The following MGST1 variants were observed in gnomAD, a reference collection of about 807,000 sequenced individuals.
The protein encoded by MGST1 is microsomal glutathione S-transferase 1.
MGST1 carries 5 observed loss-of-function variants against 8.9 expected under a neutral mutation model. The ratio of observed to expected loss-of-function variants is 0.56; its 90% CI spans 0.29 to 1.19. The LOEUF is 1.19. Ranked by LOEUF, MGST1 falls within the 50% of genes most tolerant of loss-of-function variation. The probability of loss-of-function intolerance (pLI) is 0.08; values close to 1 mark genes in which losing one functional copy is unlikely to be tolerated. For synonymous variants in MGST1, 54 were observed against 67.8 expected (o/e 0.80, Z 1.00); for missense variants, 182 against 187.4 (o/e 0.97, Z 0.17).
intron 1 of MGST1, among the ~76,000 whole-genome samples, chr12:16,417,309 AACTC>A (rs1300672189): frequency 6.6e-6 from 1 of 152,116 alleles, no homozygotes; most frequent in African/African-American, 2.4e-5. Context: ...ATCTTGTGAG[AACTC>A]ACTCATTATC....
At chr12:16,426,756 C>A (rs1351924581) in intron 1 of MGST1, among the ~76,000 whole-genome samples, 1 of 152,030 alleles carries the variant, frequency 6.6e-6, no homozygotes, top group Non-Finnish European at 1.5e-5. Flanking sequence ...TTGAGACCAT[C>A]CTGGCTAACA....
chr12:16,570,421 G>A (rs188195952), intron 4 of MGST1, among the ~76,000 whole-genome samples: 3 of 151,508 alleles, frequency 2.0e-5, no homozygotes, highest in Admixed American at 6.6e-5. Flanking sequence ...TACTCATCTC[G>A]TAATTAAGGC....
intron 4 of MGST1, among the ~76,000 whole-genome samples, chr12:16,545,565 G>A (rs925098781): frequency 6.6e-6 from 1 of 152,014 alleles, no homozygotes; most frequent in African/African-American, 2.4e-5. Context: ...TTCTGAGACT[G>A]TAGCCTCACA....
At chr12:16,421,721 T>C (rs1262262549) in intron 1 of MGST1, among the ~76,000 whole-genome samples, 1 of 152,160 alleles carries the variant, frequency 6.6e-6, no homozygotes, top group Non-Finnish European at 1.5e-5. Context: ...AAAGTGGGTC[T>C]CTTGATCTGG....
At position 16,552,376 on chromosome 12, in the gene MGST1, G is replaced by C. The variant is rs959851451; in HGVS notation, n.483-37152G>C. Among the ~76,000 whole-genome samples, 4 of 152,154 alleles carry C rather than the reference G, an allele frequency of 2.6e-5. No individual in the cohort carries two copies. In the South Asian group the frequency reaches 8.3e-4, roughly 32 times the overall value. ...TATCAGATAGTCAATTTCAAATGAT[G>C]TTCCAGCAGAAATCTTAGTGGATAG... On this transcript the variant is annotated intron_variant and non_coding_transcript_variant, in intron 4 of 4. Transcript: ENST00000538857.
Position 16,548,338 on chromosome 12 carries a change from T to C in MGST1, n.483-41190T>C, listed in dbSNP as rs982851562. On this transcript the variant is annotated intron_variant and non_coding_transcript_variant, in intron 4 of 4. Coordinates refer to the MGST1 transcript ENST00000538857. The surrounding 1 kb of genome is among the most constrained non-coding windows in gnomAD (Gnocchi z 4.2). ...GGACTTAACATATGCTTTCTAGAGA[T>C]CATCTTAAATTTTGCCAATTAAGTG... 1 of 152,080 alleles carries C rather than the reference T, an allele frequency of 6.6e-6. No individual in the cohort carries two copies. The highest frequency in any genetic ancestry group is 2.4e-5 in the African/African-American group (1 of 41,418). 9.4% of individuals were successfully genotyped at this position (152,080 alleles called of 1,614,324 possible). A position where few individuals can be genotyped will look rare whatever the true frequency, so the allele number is the denominator to read the frequency against.
At chr12:16,563,845 T>C (rs547134212) in intron 4 of MGST1, among the ~76,000 whole-genome samples, 1 of 152,294 alleles carries the variant, frequency 6.6e-6, no homozygotes, top group South Asian at 2.1e-4. Context: ...AGGAAAAAAA[T>C]AAGCTCATTG....
chr12:16,430,865 T>C (rs1405237066), intron 1 of MGST1, among the ~76,000 whole-genome samples: 1 of 152,176 alleles, frequency 6.6e-6, no homozygotes, highest in Non-Finnish European at 1.5e-5. Context: ...AAGCCAGGCA[T>C]TGGCTTCTCC....
chr12:16,370,503 G>T (rs1436299780), intron 3 of MGST1: 1 of 152,060 alleles, frequency 6.6e-6, no homozygotes, highest in Non-Finnish European at 1.5e-5. Context: ...TGAAATAATT[G>T]TATATTATCT....
At position 16,399,849 on chromosome 12, in the gene MGST1, A is replaced by G. The variant is rs114775747; in HGVS notation, n.778+16245A>G. ...GTCACTTTCTTGCTGTAGTCCTTGT[A>G]GACAATTACCATATCAAAGTTCTTC... On this transcript the variant is annotated intron_variant and non_coding_transcript_variant, in intron 1 of 1. Coordinates refer to the MGST1 transcript ENST00000359720. The G allele has an allele frequency of 3.6e-3, 4,448 of 1,226,558 alleles. 131 individuals carry two copies. In the African/African-American group the frequency reaches 0.058, roughly 16 times the overall value. 76.0% of individuals were successfully genotyped at this position (1,226,558 alleles called of 1,614,324 possible).
At chr12:16,394,872 C>T (rs1006642168) in intron 1 of MGST1, among the ~76,000 whole-genome samples, 1 of 152,096 alleles carries the variant, frequency 6.6e-6, no homozygotes, top group Admixed American at 6.6e-5. Context: ...GCTGGGATTA[C>T]AGGTGTGAAC....
chr12:16,513,986 C>A lies in MGST1; in HGVS notation n.483-75542C>A. On this transcript the variant is annotated intron_variant and non_coding_transcript_variant, in intron 4 of 4. Transcript: ENST00000538857. The surrounding 1 kb of genome is among the most constrained non-coding windows in gnomAD (Gnocchi z 4.2). ...ACTGTGGAGGACATTTCAAAAACAC[C>A]AGAGCAAAGTCTTCTTCTTCTGCAT... 2.2e-6 allele frequency: 1 copy of A among 458,708 alleles called. No homozygotes were observed. The highest frequency in any genetic ancestry group is 4.3e-6 in the Non-Finnish European group (1 of 234,328). The allele number at this position is 458,708 out of a possible 1,614,324, so 28.4% of individuals were successfully genotyped here. A position where few individuals can be genotyped will look rare whatever the true frequency, so the allele number is the denominator to read the frequency against.
intron 4 of MGST1, among the ~76,000 whole-genome samples, chr12:16,553,881 A>G (rs1482094901): frequency 6.6e-6 from 1 of 151,760 alleles, no homozygotes. Flanking sequence ...AAAAAAAAAA[A>G]GCATTATGAA....
At chr12:16,580,174 C>G (rs987464991) in intron 4 of MGST1, among the ~76,000 whole-genome samples, 2 of 152,226 alleles carry the variant, frequency 1.3e-5, no homozygotes. Context: ...CTATGTTGCC[C>G]AGGCTGGCCT....
Position 16,400,107 on chromosome 12 carries a change from G to T in MGST1, n.778+16503G>T, listed in dbSNP as rs953337152. The T allele has an allele frequency of 4.5e-6, 7 of 1,563,568 alleles. No individual in the cohort carries two copies. In the African/African-American group the frequency reaches 9.5e-5, roughly 21 times the overall value. On this transcript the variant is annotated intron_variant and non_coding_transcript_variant, in intron 1 of 1. Coordinates refer to the MGST1 transcript ENST00000359720. ...AATTCTAAAAGGCTGTTTTCAGTTT[G>T]TGCCTCATTTCTCGTTCCATCTGCT... is the stretch of plus-strand genomic sequence containing the variant.
Position 16,513,733 on chromosome 12 carries a change from A to G in MGST1, n.483-75795A>G, listed in dbSNP as rs1352092948. The G allele has an allele frequency of 5.3e-6, 3 of 569,766 alleles. No individual in the cohort carries two copies. Among genetic ancestry groups the G allele is most frequent in the Non-Finnish European group, 1.1e-5 (3 of 284,574 alleles). 35.3% of individuals were successfully genotyped at this position (569,766 alleles called of 1,614,324 possible). On this transcript the variant is annotated intron_variant and non_coding_transcript_variant, in intron 4 of 4. Coordinates refer to the MGST1 transcript ENST00000538857. This position sits in a 1 kb window ranked among gnomAD's most constrained non-coding sequence, Gnocchi z 4.2. ...TGCAGAAGTAGCCTTGGGCGAGAAT[A>G]GCGAAGTCTCGAAAAGTGGCCGGTT...
At chr12:16,372,716 A>G (rs770050571) in intron 3 of MGST1, among the ~76,000 whole-genome samples, 34 of 151,836 alleles carry the variant, frequency 2.2e-4, no homozygotes, top group Non-Finnish European at 4.6e-4. Flanking sequence ...TATTAAAGAG[A>G]TATCTGTACT....
At chr12:16,386,018 T>G (rs1304846538) in intron 1 of MGST1, among the ~76,000 whole-genome samples, 1 of 152,178 alleles carries the variant, frequency 6.6e-6, no homozygotes, top group Non-Finnish European at 1.5e-5. Context: ...ATTTGGTCTT[T>G]CAGTGGCTCG....
chr12:16,512,503 A>C (rs2137180513), intron 4 of MGST1, among the ~76,000 whole-genome samples: 1 of 152,372 alleles, frequency 6.6e-6, no homozygotes, highest in Non-Finnish European at 1.5e-5. Flanking sequence ...TTACCAATAA[A>C]ACAATGTAAA....
Sources: allele counts gnomAD v4.1 joint callset (sites outside exome capture counted in the v4.1 genomes callset), GRCh38; gene constraint gnomAD v4.1.1; non-coding constraint Gnocchi (gnomAD v3.1); transcripts MANE v1.5; gene names NCBI Gene and HGNC (gene_info 2026-07-23, HGNC 2026-07-21).